ATP2C2: variants seen among roughly 807,000 people sequenced by gnomAD.
The protein encoded by ATP2C2 is ATPase secretory pathway Ca2+ transporting 2, also known as calcium-transporting ATPase type 2C member 2.
A neutral mutation model predicts 110.8 loss-of-function variants in ATP2C2; 171 were observed. The observed-to-expected ratio is 1.54, with a 90% confidence interval of 1.36 to 1.75. The LOEUF (loss-of-function observed/expected upper bound fraction) is 1.75. Ranked by LOEUF, ATP2C2 falls within the 40% of genes most tolerant of loss-of-function variation. The probability of loss-of-function intolerance (pLI) is 0.00; values close to 1 mark genes in which losing one functional copy is unlikely to be tolerated. For missense variants in ATP2C2, 1,963 were observed against 1,235.0 expected, an observed-to-expected ratio of 1.59 and a Z score of -8.84; for synonymous variants, 804 against 508.4, an observed-to-expected ratio of 1.58 and a Z score of -7.82.
Position 84,454,897 on chromosome 16 carries a change from T to C in ATP2C2, c.2060T>C (p.Ile687Thr). 13 of 1,613,940 alleles carry C rather than the reference T, an allele frequency of 8.1e-6. No homozygotes were observed. Among genetic ancestry groups the C allele is most frequent in the South Asian group, 3.3e-5 (3 of 91,058 alleles). ...GCAGTGGCCCTGAAGTCTGCAGACA[T>C]TGGGATCGCCATGGGGCAGACAGGG... ...NDAVALKSAD[I>T]GIAMGQTGTD... The change falls in exon 21 of 27, where the codon ATT (isoleucine) becomes ACT (threonine). Residue 687 changes from isoleucine (I) to threonine (T), a missense_variant. Coordinates refer to ENST00000262429, the MANE Select transcript of ATP2C2 (RefSeq NM_014861.4).
chr16:84,416,618 T>G (rs247808), intron 7 of ATP2C2, among the ~76,000 whole-genome samples: 119,970 of 152,098 alleles, frequency 0.79, 47,957 homozygotes, highest in East Asian at 0.89. Context: ...CGGACATTGA[T>G]CCTCTCTGCC....
intron 11 of ATP2C2, among the ~76,000 whole-genome samples, chr16:84,438,614 A>G (rs1297484123): frequency 6.6e-6 from 1 of 152,172 alleles, no homozygotes; most frequent in Non-Finnish European, 1.5e-5. Flanking sequence ...GGGGTAAGAA[A>G]GAAGTGAGCA....
intron 2 of ATP2C2, 143 bp from the exon 3 acceptor site, chr16:84,404,985 A>G: frequency 2.6e-6 from 2 of 777,254 alleles, no homozygotes; most frequent in Non-Finnish European, 4.6e-6. Context: ...GGGGTCTTTG[A>G]ACAAGTCCCA....
chr16:84,377,989 A>T (rs1348474624), intron 1 of ATP2C2, among the ~76,000 whole-genome samples: 1 of 152,150 alleles, frequency 6.6e-6, no homozygotes, highest in East Asian at 1.9e-4. Flanking sequence ...TGGAGAGAAG[A>T]GAGCTCAGCA....
intron 16 of ATP2C2, 112 bp from the exon 17 acceptor site, chr16:84,448,421 C>A (rs750522892): frequency 7.6e-7 from 1 of 1,320,748 alleles, no homozygotes; most frequent in South Asian, 1.5e-5. Flanking sequence ...TAAATAACTC[C>A]GCTGCAAAGA....
At chr16:84,450,825 T>G (rs1910190716) in intron 17 of ATP2C2, among the ~76,000 whole-genome samples, 1 of 152,084 alleles carries the variant, frequency 6.6e-6, no homozygotes, top group African/African-American at 2.4e-5. Flanking sequence ...CAATTTTTCT[T>G]AACCTCTGTA....
Position 84,448,809 on chromosome 16 carries a change from C to T in ATP2C2, c.1660+120C>T, listed in dbSNP as rs1745504218. On this transcript the variant is annotated intron_variant, in intron 17 of 26. Coordinates refer to ENST00000262429, the MANE Select transcript of ATP2C2 (RefSeq NM_014861.4). ...CCGTCCCAAGGAGTCAGGCAGCATG[C>T]TGACGGCAATAATGTGTGCTTGGAA... is the stretch of plus-strand genomic sequence containing the variant. 5.2e-6 allele frequency: 7 copies of T among 1,350,294 alleles called. No individual in the cohort carries two copies. The South Asian group carries it at 7.4e-5, about 14-fold the overall frequency. The allele number at this position is 1,350,294 out of a possible 1,614,324, so 83.6% of individuals were successfully genotyped here. A position where few individuals can be genotyped will look rare whatever the true frequency, so the allele number is the denominator to read the frequency against.
chr16:84,428,396 A>G (rs746077444), intron 11 of ATP2C2, among the ~76,000 whole-genome samples: 3 of 152,222 alleles, frequency 2.0e-5, no homozygotes, highest in Non-Finnish European at 2.9e-5. Context: ...TAAAATCAAC[A>G]TGTGGGCAGC....
At chr16:84,420,968 G>A (rs182853624) in intron 7 of ATP2C2, among the ~76,000 whole-genome samples, 14 of 152,158 alleles carry the variant, frequency 9.2e-5, no homozygotes, top group Middle Eastern at 3.4e-3. Context: ...CCCATACCCG[G>A]CTAATTCTTG....
rs534364577 is a variant in ATP2C2 at position 84,455,307 on chromosome 16, G to C, written c.2147+323G>C. ...GGGAATGCCCGCCTGGCTCAGGCTG[G>C]TGGGCAGCAGCTGAATATGTAAGGA... On this transcript the variant is annotated intron_variant, in intron 21 of 26. Coordinates refer to ENST00000262429, the MANE Select transcript of ATP2C2 (RefSeq NM_014861.4). Among the ~76,000 whole-genome samples the C allele has an allele frequency of 7.2e-5, 11 of 152,300 alleles. No homozygotes were observed. In the East Asian group the frequency reaches 1.4e-3, roughly 19 times the overall value.
intron 21 of ATP2C2, among the ~76,000 whole-genome samples, chr16:84,458,724 A>C (rs919667128): frequency 2.6e-5 from 4 of 151,986 alleles, no homozygotes; most frequent in African/African-American, 9.7e-5. Flanking sequence ...CGTCCTCCGG[A>C]CCTCATTTTT....
At position 84,453,242 on chromosome 16, in the gene ATP2C2, C is replaced by T. The variant is rs781102465; in HGVS notation, c.1929+7C>T. On this transcript the variant is annotated splice_region_variant and intron_variant, in intron 19 of 26. Transcript: ENST00000262429. ...GGCCGACCGCGTGGGGAAGGTGGGT[C>T]CCCGGAGGCTTGGCTGGCAGTGGGG... 1.5e-5 allele frequency: 24 copies of T among 1,613,844 alleles called. No individual in the cohort carries two copies. The highest frequency in any genetic ancestry group is 2.2e-5 in the East Asian group (1 of 44,890).
intron 1 of ATP2C2, among the ~76,000 whole-genome samples, chr16:84,368,970 C>G (rs752911573): frequency 5.9e-5 from 9 of 152,230 alleles, no homozygotes; most frequent in Non-Finnish European, 1.0e-4. Context: ...AGTATATTCC[C>G]TAAGGGGCAC....
intron 1 of ATP2C2, among the ~76,000 whole-genome samples, chr16:84,374,575 G>T (rs897971376): frequency 1.3e-5 from 2 of 152,016 alleles, no homozygotes; most frequent in Admixed American, 6.6e-5. Context: ...TTTTAATAAG[G>T]GTAAAGAATC....
chr16:84,393,895 C>T (rs1055586374), intron 1 of ATP2C2, among the ~76,000 whole-genome samples: 26 of 151,854 alleles, frequency 1.7e-4, no homozygotes, highest in African/African-American at 6.3e-4. Context: ...GTGGCTCACA[C>T]CTGTAATCTT....
intron 13 of ATP2C2, among the ~76,000 whole-genome samples, chr16:84,440,068 C>T (rs953407424): frequency 1.3e-5 from 2 of 152,262 alleles, no homozygotes; most frequent in Non-Finnish European, 2.9e-5. Flanking sequence ...AAACTCCTGA[C>T]CTCAGGTGAT....
At chr16:84,424,547 G>C (rs1555560984) in intron 10 of ATP2C2, among the ~76,000 whole-genome samples, 1 of 147,282 alleles carries the variant, frequency 6.8e-6, no homozygotes, top group Non-Finnish European at 1.5e-5. Flanking sequence ...CAAAGTGCTA[G>C]GATTACAGGC....
At position 84,369,187 on chromosome 16, in the gene ATP2C2, G is replaced by A. The variant is rs115084058; in HGVS notation, c.99+473G>A. Among the ~76,000 whole-genome samples the A allele has an allele frequency of 3.2e-3, 484 of 152,338 alleles. 3 individuals carry two copies. Among genetic ancestry groups the A allele is most frequent in the African/African-American group, 9.6e-3 (400 of 41,580 alleles). Reference sequence around the variant, plus strand: ...AAAGTTGGAGCTGAGGGACCTCCCAGCCTCACTTCCTACAGTCAGGTACTT... The same window carrying A: ...AAAGTTGGAGCTGAGGGACCTCCCAACCTCACTTCCTACAGTCAGGTACTT... On this transcript the variant is annotated intron_variant, in intron 1 of 26. Coordinates refer to ENST00000262429, the MANE Select transcript of ATP2C2 (RefSeq NM_014861.4).
intron 16 of ATP2C2, among the ~76,000 whole-genome samples, chr16:84,446,971 G>A (rs1035210904): frequency 1.3e-5 from 2 of 152,198 alleles, no homozygotes; most frequent in African/African-American, 4.8e-5. Context: ...GCATCAGCGT[G>A]TGCACACGTG....
Sources: allele counts gnomAD v4.1 joint callset (sites outside exome capture counted in the v4.1 genomes callset), GRCh38; gene constraint gnomAD v4.1.1; transcripts MANE v1.5; gene names NCBI Gene and HGNC (gene_info 2026-07-23, HGNC 2026-07-21).